EDIL3: variants seen among roughly 807,000 people sequenced by gnomAD.
The protein encoded by EDIL3 is EGF like and discoidin domains 3, also known as EGF-like repeat and discoidin I-like domain-containing protein 3.
A neutral mutation model predicts 67.4 loss-of-function variants in EDIL3; 37 were observed. The observed-to-expected ratio is 0.55, with a 90% confidence interval of 0.42 to 0.72. The LOEUF (loss-of-function observed/expected upper bound fraction) is 0.72. Ranked by LOEUF, EDIL3 falls within the 30% of genes least tolerant of loss-of-function variation. EDIL3 has a pLI of 0.00. For synonymous variants in EDIL3, 195 were observed against 196.3 expected (o/e 0.99, Z 0.05); for missense variants, 527 against 586.3 (o/e 0.90, Z 1.04).
intron 4 of EDIL3, among the ~76,000 whole-genome samples, chr5:84,176,563 C>G (rs112641728): frequency 2.6e-4 from 40 of 151,404 alleles, no homozygotes; most frequent in African/African-American, 9.4e-4. Context: ...GAAGAAATAA[C>G]CTTTCTCTAT....
intron 9 of EDIL3, among the ~76,000 whole-genome samples, chr5:84,015,642 G>A (rs939672532): frequency 6.6e-6 from 1 of 151,798 alleles, no homozygotes; most frequent in African/African-American, 2.4e-5. Flanking sequence ...TACATTAAGA[G>A]ATATAACAAG....
intron 5 of EDIL3, among the ~76,000 whole-genome samples, chr5:84,124,630 C>T (rs1747834390): frequency 6.6e-6 from 1 of 151,744 alleles, no homozygotes; most frequent in Non-Finnish European, 1.5e-5. Context: ...CTTCATTGGA[C>T]AGAATTTTAT....
rs575239524 is a variant in EDIL3 at position 83,959,602 on chromosome 5, G to T, written c.1293+3603C>A. Among the ~76,000 whole-genome samples the T allele has an allele frequency of 8.6e-5, 13 of 151,048 alleles. No homozygotes were observed. In the South Asian group the frequency reaches 2.7e-3, roughly 31 times the overall value. On this transcript the variant is annotated intron_variant, in intron 10 of 10. Coordinates refer to ENST00000296591, the MANE Select transcript of EDIL3 (RefSeq NM_005711.5). ...TATATTTGTCTGGATGAAAGCTTGT[G>T]GTTGAATTGGCACTTGTAAATATTG...
intron 1 of EDIL3, among the ~76,000 whole-genome samples, chr5:84,286,131 G>A (rs1745802373): frequency 6.6e-6 from 1 of 152,110 alleles, no homozygotes; most frequent in Admixed American, 6.6e-5. Flanking sequence ...ATATTCCTGA[G>A]CTTTGGCTTT....
intron 9 of EDIL3, among the ~76,000 whole-genome samples, chr5:83,969,225 C>T (rs575001658): frequency 5.9e-5 from 9 of 151,728 alleles, no homozygotes; most frequent in Non-Finnish European, 1.3e-4. Flanking sequence ...TTATTACAAT[C>T]ATTAACTTAC....
At chr5:84,052,004 T>C (rs1746348225) in intron 9 of EDIL3, among the ~76,000 whole-genome samples, 1 of 152,056 alleles carries the variant, frequency 6.6e-6, no homozygotes, top group Non-Finnish European at 1.5e-5. Context: ...AGACACATAA[T>C]TGTCAGATTC....
intron 1 of EDIL3, among the ~76,000 whole-genome samples, chr5:84,313,372 T>TTAA (rs1746443607): frequency 6.6e-6 from 1 of 152,168 alleles, no homozygotes; most frequent in South Asian, 2.1e-4. Context: ...AAAAGCTTGA[T>TTAA]ACAGCAAGAA....
In EDIL3 at chr5:84,188,097, G is replaced by T. The variant is rs77150692; in HGVS notation, c.227-7576C>A. 6.5e-3 allele frequency among the ~76,000 whole-genome samples: 990 copies of T among 151,958 alleles called. 12 individuals are homozygous for T. The highest frequency in any genetic ancestry group is 0.023 in the African/African-American group (940 of 41,474). On this transcript the variant is annotated intron_variant, in intron 3 of 10. Transcript: ENST00000296591. ...GATTTCCCGCCCCCCCTTAAAACCT[G>T]TTGATAAATTTTCTTCTCAAGAATT...
chr5:84,312,546 G>A (rs1746426639), intron 1 of EDIL3, among the ~76,000 whole-genome samples: 2 of 146,574 alleles, frequency 1.4e-5, no homozygotes, highest in Non-Finnish European at 3.0e-5. Flanking sequence ...AGGGGTGGCT[G>A]GCCTGGCGGG....
intron 4 of EDIL3, among the ~76,000 whole-genome samples, chr5:84,179,653 C>T (rs1284477769): frequency 1.3e-5 from 2 of 152,094 alleles, no homozygotes; most frequent in East Asian, 1.9e-4. Flanking sequence ...TGTGTCATTC[C>T]CCTGTCTCTG....
At chr5:84,015,264 C>T (rs1026780687) in intron 9 of EDIL3, among the ~76,000 whole-genome samples, 28 of 152,176 alleles carry the variant, frequency 1.8e-4, no homozygotes, top group African/African-American at 6.3e-4. Flanking sequence ...CACAATGGTA[C>T]CTTAGAACTG....
intron 5 of EDIL3, among the ~76,000 whole-genome samples, chr5:84,135,276 C>G (rs1440775426): frequency 6.6e-6 from 1 of 152,158 alleles, no homozygotes; most frequent in African/African-American, 2.4e-5. Flanking sequence ...GGGAAGGCTT[C>G]TCCCCCGCAA....
Position 84,180,440 on chromosome 5 carries a change from T to C in EDIL3, c.308A>G (p.Tyr103Cys). 6.2e-7 allele frequency: 1 copy of C among 1,609,202 alleles called. No homozygotes were observed. The highest frequency in any genetic ancestry group is 2.2e-5 in the East Asian group (1 of 44,666). ...AAATCCTCGGGGACATTTACAAACA[T>C]AGCCTATGAATGTATCCCCTCGGTA... Reference protein sequence around the residue: ...EAYRGDTFIGYVCKCPRGFNG... With the variant: ...EAYRGDTFIGCVCKCPRGFNG... The change falls in exon 4 of 11, where the codon TAT (tyrosine) becomes TGT (cysteine). Residue 103 changes from tyrosine (Y) to cysteine (C), a missense_variant. By Grantham distance (194) the Tyr-to-Cys change is radical. Coordinates refer to ENST00000296591, the MANE Select transcript of EDIL3 (RefSeq NM_005711.5).
At chr5:84,237,940 T>C (rs1347787281) in intron 2 of EDIL3, among the ~76,000 whole-genome samples, 1 of 152,168 alleles carries the variant, frequency 6.6e-6, no homozygotes, top group Non-Finnish European at 1.5e-5. Context: ...AACAAATGAC[T>C]GATCCATGTG....
chr5:84,155,022 C>T (rs1748466308), intron 4 of EDIL3, among the ~76,000 whole-genome samples: 1 of 152,086 alleles, frequency 6.6e-6, no homozygotes, highest in African/African-American at 2.4e-5. Flanking sequence ...CTAAGTTTAG[C>T]TGATTCCTTT....
chr5:84,344,712 T>C (rs1014002540), intron 1 of EDIL3, among the ~76,000 whole-genome samples: 1 of 152,134 alleles, frequency 6.6e-6, no homozygotes. Flanking sequence ...ACATATTGGA[T>C]TAAATAAAAT....
At chr5:83,987,143 C>T (rs1473847573) in intron 9 of EDIL3, among the ~76,000 whole-genome samples, 1 of 152,096 alleles carries the variant, frequency 6.6e-6, no homozygotes, top group Non-Finnish European at 1.5e-5. Flanking sequence ...CTTTCCCAGG[C>T]CTTCCCTCTA....
At chr5:84,281,100 C>G (rs1210888019) in intron 1 of EDIL3, among the ~76,000 whole-genome samples, 1 of 152,056 alleles carries the variant, frequency 6.6e-6, no homozygotes, top group East Asian at 1.9e-4. Context: ...TTATTATCAA[C>G]TACAAGTATT....
intron 4 of EDIL3, among the ~76,000 whole-genome samples, chr5:84,154,113 C>T (rs1037140875): frequency 3.3e-5 from 5 of 151,976 alleles, no homozygotes; most frequent in South Asian, 4.2e-4. Context: ...GAAGAAGTTC[C>T]GAAAAGAAAA....
Sources: gnomAD v4.1 joint callset for allele counts (sites outside exome capture counted in the v4.1 genomes callset) on GRCh38, gnomAD v4.1.1 for gene constraint, MANE v1.5 for transcripts, NCBI Gene and HGNC (gene_info 2026-07-23, HGNC 2026-07-21) for gene names.